The following TSC22D1 variants were observed in gnomAD, a reference collection of about 807,000 sequenced individuals.
TSC22D1 encodes TSC22 domain family protein 1.
Under a neutral mutation model 74.2 loss-of-function variants are expected in TSC22D1, and 9 were observed. That is an observed-to-expected ratio of 0.12 (90% CI 0.07 to 0.21). The LOEUF is 0.21. TSC22D1 is among the 10% of genes least tolerant of loss of function. The pLI is 1.00. For missense variants in TSC22D1, 1,427 were observed against 1,304.7 expected, an observed-to-expected ratio of 1.09 and a Z score of -1.44; for synonymous variants, 586 against 492.5, an observed-to-expected ratio of 1.19 and a Z score of -2.51.
rs753210601 is a variant in TSC22D1 at position 44,574,336 on chromosome 13, G to A, written c.1739C>T (p.Ser580Leu). ...AGTTACACCAACCACATTTACAGGC[G>A]ATGGCTGGATACCAGTTGCAGCACT... ...TMSAATGIQP[S>L]PVNVVGVTSA... Residue 580 changes from serine (S) to leucine (L), a missense_variant, in exon 1 of 3, where the codon TCG (serine) becomes TTG (leucine). Coordinates refer to ENST00000458659, the MANE Select transcript of TSC22D1 (RefSeq NM_183422.4). 1.5e-5 allele frequency: 24 copies of A among 1,614,134 alleles called. No individual in the cohort carries two copies. Among genetic ancestry groups the A allele is most frequent in the African/African-American group, 5.3e-5 (4 of 74,934 alleles).
chr13:44,556,546 A>C (rs1882653921), intron 1 of TSC22D1, among the ~76,000 whole-genome samples: 1 of 151,350 alleles, frequency 6.6e-6, no homozygotes, highest in South Asian at 2.1e-4. Flanking sequence ...GCCATCTCAA[A>C]AAAAAAAAAA....
chr13:44,434,949 A>C, intron 2 of TSC22D1, 66 bp from the exon 3 acceptor site: 1 of 1,406,296 alleles, frequency 7.1e-7, no homozygotes, highest in Non-Finnish European at 9.7e-7. Flanking sequence ...TGAGTTTCCA[A>C]GACATTATTT....
chr13:44,551,389 GGT>G (rs376368576), intron 1 of TSC22D1, among the ~76,000 whole-genome samples: 26,988 of 124,934 alleles, frequency 0.22, 2,738 homozygotes, highest in South Asian at 0.26. Context: ...CAATCAGATG[GGT>G]GTGTGTGTGT....
chr13:44,501,622 C>T (rs1412394685), intron 1 of TSC22D1, among the ~76,000 whole-genome samples: 1 of 152,020 alleles, frequency 6.6e-6, no homozygotes, highest in African/African-American at 2.4e-5. Context: ...AAAATGATCA[C>T]GGCAGTGACA....
At chr13:44,571,975 CA>C (rs898629019) in intron 1 of TSC22D1, among the ~76,000 whole-genome samples, 3 of 152,130 alleles carry the variant, frequency 2.0e-5, no homozygotes, top group African/African-American at 7.2e-5. Flanking sequence ...GCAATATGCT[CA>C]ATTTTTCCAA....
In TSC22D1 at chr13:44,574,155, C is replaced by T. The variant is rs1263061328; in HGVS notation, c.1920G>A (p.Met640Ile). 2 of 1,614,098 alleles carry T rather than the reference C, an allele frequency of 1.2e-6. No homozygotes were observed. The highest frequency in any genetic ancestry group is 1.7e-6 in the Non-Finnish European group (2 of 1,180,018). ...TCACTGATTTGACATGGCCTGGGGC[C>T]ATCTGTGTAGAAACCATTGGTTGCT... ...GQQQPMVSTQ[M>I]APGHVKSVTQ... The change falls in exon 1 of 3, where the codon ATG becomes ATA. Residue 640 changes from methionine to isoleucine, a missense_variant. Transcript: ENST00000458659.
intron 1 of TSC22D1, among the ~76,000 whole-genome samples, chr13:44,490,172 C>T (rs1213965208): frequency 6.6e-6 from 1 of 152,086 alleles, no homozygotes; most frequent in Non-Finnish European, 1.5e-5. Flanking sequence ...TTCTATTAAG[C>T]TCAACATGAA....
intron 1 of TSC22D1, among the ~76,000 whole-genome samples, chr13:44,528,532 G>A (rs1368060907): frequency 1.3e-5 from 2 of 151,880 alleles, no homozygotes; most frequent in Non-Finnish European, 2.9e-5. Flanking sequence ...TTGGAATGCA[G>A]CAGAAACAGT....
At chr13:44,448,494 T>G (rs1401707671) in intron 1 of TSC22D1, among the ~76,000 whole-genome samples, 1 of 152,200 alleles carries the variant, frequency 6.6e-6, no homozygotes, top group Non-Finnish European at 1.5e-5. Flanking sequence ...TTAAGGATAT[T>G]ACCTAGCTCC....
chr13:44,537,555 T>TAAGTTTTTGTTC, intron 1 of TSC22D1: 1 of 985,142 alleles, frequency 1.0e-6, no homozygotes, highest in Non-Finnish European at 1.2e-6. Context: ...CAAGCAAATA[T>TAAGTTTTTGTTC]CATTTTTAGT....
At chr13:44,528,455 T>C (rs1356742066) in intron 1 of TSC22D1, among the ~76,000 whole-genome samples, 1 of 151,972 alleles carries the variant, frequency 6.6e-6, no homozygotes, top group Non-Finnish European at 1.5e-5. Context: ...ATAACATCGG[T>C]CAAAGAAGCC....
chr13:44,569,001 T>C (rs907292189), intron 1 of TSC22D1, among the ~76,000 whole-genome samples: 1 of 152,192 alleles, frequency 6.6e-6, no homozygotes, highest in Non-Finnish European at 1.5e-5. Flanking sequence ...GGTAGGTATA[T>C]GGTAACAACA....
At chr13:44,499,631 TC>T (rs1245801313) in intron 1 of TSC22D1, among the ~76,000 whole-genome samples, 2 of 152,092 alleles carry the variant, frequency 1.3e-5, no homozygotes, top group Non-Finnish European at 2.9e-5. Context: ...CCAAAGCATT[TC>T]CCCCAAGTTA....
Position 44,573,315 on chromosome 13 carries a change from G to A in TSC22D1, c.2760C>T (p.Ser920=). The part of the protein sequence containing the change: ...IEDARRAAEP[S]LVGLPQTISG... The stretch of plus-strand genomic sequence containing the variant: ...TGATAGTCTGAGGTAAGCCAACTAA[G>A]GAGGGCTCCGCTGCACGCCTGGCAT... The change falls in exon 1 of 3, where the codon TCC becomes TCT. Residue 920 remains serine, a synonymous_variant. Transcript: ENST00000458659. The A allele has an allele frequency of 6.2e-7, 1 of 1,614,234 alleles. No individual in the cohort carries two copies. The highest frequency in any genetic ancestry group is 8.5e-7 in the Non-Finnish European group (1 of 1,180,046).
intron 1 of TSC22D1, among the ~76,000 whole-genome samples, chr13:44,516,792 AT>A (rs1220497126): frequency 6.6e-6 from 1 of 152,114 alleles, no homozygotes; most frequent in Non-Finnish European, 1.5e-5. Context: ...AATTCCCTTC[AT>A]TTCTCCTCCT....
intron 1 of TSC22D1, among the ~76,000 whole-genome samples, chr13:44,468,000 GCGCA>G (rs747571653): frequency 7.0e-4 from 80 of 115,060 alleles, no homozygotes; most frequent in African/African-American, 2.0e-3. Context: ...ATACACACAC[GCGCA>G]CACACACACA....
At chr13:44,456,266 C>T (rs1455803813) in intron 1 of TSC22D1, among the ~76,000 whole-genome samples, 2 of 152,220 alleles carry the variant, frequency 1.3e-5, no homozygotes, top group African/African-American at 2.4e-5. Context: ...GTTGCTGCTG[C>T]TGGCTGGAGT....
intron 1 of TSC22D1, chr13:44,539,997 T>C: frequency 8.9e-7 from 1 of 1,120,940 alleles, no homozygotes; most frequent in South Asian, 1.3e-5. Context: ...TCATTTGAGT[T>C]TGTAATGGCT....
intron 1 of TSC22D1, among the ~76,000 whole-genome samples, chr13:44,479,743 A>G (rs906634125): frequency 6.6e-6 from 1 of 152,228 alleles, no homozygotes; most frequent in Admixed American, 6.5e-5. Flanking sequence ...CTAAGGACAC[A>G]CAGTCTTCTC....
Sources: allele counts gnomAD v4.1 joint callset (sites outside exome capture counted in the v4.1 genomes callset), GRCh38; gene constraint gnomAD v4.1.1; transcripts MANE v1.5; gene names NCBI Gene and HGNC (gene_info 2026-07-23, HGNC 2026-07-21).